Variants in PRRC2A observed in about 807,000 individuals in gnomAD.
PRRC2A encodes the protein proline rich coiled-coil 2A.
In PRRC2A, 59 loss-of-function variants were observed where a neutral mutation model predicts 224.6. That is an observed-to-expected ratio of 0.26 (90% confidence interval 0.21 to 0.33). The LOEUF is 0.33. Ranked by LOEUF, PRRC2A falls within the 10% of genes least tolerant of loss-of-function variation. The pLI, the probability that PRRC2A is intolerant of heterozygous loss-of-function variation, is 1.00. For synonymous variants in PRRC2A, 1,194 were observed against 1,109.5 expected, an observed-to-expected ratio of 1.08 and a Z score of -1.51; for missense variants, 3,095 against 2,880.7, an observed-to-expected ratio of 1.07 and a Z score of -1.70.
Position 31,626,169 on chromosome 6 carries a change from G to T in PRRC2A, c.982+7G>T, listed in dbSNP as rs747377622. ...AATGATGATGGTTGGGCAGGTAAGT[G>T]GATATTAAGGGTCAAGAATTTGGAT... On this transcript the variant is annotated splice_region_variant and intron_variant, in intron 9 of 30. Transcript: ENST00000376033. 1.2e-6 allele frequency: 2 copies of T among 1,607,590 alleles called. No homozygotes were observed. Among genetic ancestry groups the T allele is most frequent in the African/African-American group, 2.7e-5 (2 of 74,512 alleles).
chr6:31,624,520 A>G lies in PRRC2A; in HGVS notation c.461A>G (p.Asp154Gly). 6.2e-7 allele frequency: 1 copy of G among 1,610,928 alleles called. No individual in the cohort carries two copies. The highest frequency in any genetic ancestry group is 8.5e-7 in the Non-Finnish European group (1 of 1,177,112). ...QASVTHGAHG[D>G]GGRASSLLSR... is the part of the protein sequence containing the mutation. ...AGCGTCACCCATGGAGCACATGGAGATGGTGAGTGCAGCACTTAATTGGGG... is the reference window on the plus strand; with the variant it reads ...AGCGTCACCCATGGAGCACATGGAGGTGGTGAGTGCAGCACTTAATTGGGG... The change falls in exon 5 of 31, where the codon GAT (aspartate) becomes GGT (glycine). Residue 154 changes from aspartate to glycine, a missense_variant and splice_region_variant. Around this residue, in one of 8 missense-constraint regions of PRRC2A, gnomAD observed 287 missense variants for 275.3 expected, o/e 1.04. Coordinates refer to ENST00000376033, the MANE Select transcript of PRRC2A (RefSeq NM_004638.4).
chr6:31,633,553 G>T lies in PRRC2A; in HGVS notation c.4494G>T (p.Arg1498Ser). Residue 1498 changes from arginine to serine, a missense_variant, in exon 17 of 31, where the codon AGG becomes AGT. By Grantham distance (110) the Arg-to-Ser change is moderately radical. Transcript: ENST00000376033. ...TAACTGCACCAGGGGGTCATCCAAG[G>T]CACAAGCCTGGGCTTCCCCAAGCCC... ...GSVTAPGGHP[R>S]HKPGLPQAPQ... The T allele has an allele frequency of 6.2e-7, 1 of 1,613,042 alleles. No individual in the cohort carries two copies. Among genetic ancestry groups the T allele is most frequent in the Non-Finnish European group, 8.5e-7 (1 of 1,179,980 alleles).
rs767117120 is a variant in PRRC2A, at chr6:31,636,864, T to C, written c.6066T>C (p.Ala2022=). Residue 2022 remains alanine (A), a synonymous_variant, in exon 28 of 31, where the codon GCT becomes GCC. Coordinates refer to ENST00000376033, the MANE Select transcript of PRRC2A (RefSeq NM_004638.4). This position sits in a 1 kb window ranked among gnomAD's most constrained non-coding sequence, Gnocchi z 4.3. The stretch of plus-strand genomic sequence containing the variant: ...CTGCTCTGCAGCCCCCCAGCCTGGC[T>C]GTGCGGCCCCCACCTGCTCCTGCTA... ...VGPALQPPSL[A]VRPPPAPATR... 1.2e-6 allele frequency: 2 copies of C among 1,612,906 alleles called. No homozygotes were observed. Among genetic ancestry groups the C allele is most frequent in the Middle Eastern group, 1.6e-4 (1 of 6,062 alleles).
In PRRC2A at chr6:31,627,802, A is replaced by C. The variant is rs1776080235; in HGVS notation, c.1328A>C (p.Glu443Ala). The change falls in exon 12 of 31, where the codon GAA (glutamate) becomes GCA (alanine). Residue 443 changes from glutamate to alanine, a missense_variant. This residue lies in a region of PRRC2A where 2,001 missense variants were observed against 1,764.9 expected (regional missense o/e 1.13). Coordinates refer to ENST00000376033, the MANE Select transcript of PRRC2A (RefSeq NM_004638.4). This position sits in a 1 kb window ranked among gnomAD's most constrained non-coding sequence, Gnocchi z 5.6. ...CCTCCCTGCAAGCCCCCAGCACCTG[A>C]AGATGAGGATGAGGCATGGCGGCAG... Reference protein sequence around the residue: ...GGPPCKPPAPEDEDEAWRQRR... With the variant: ...GGPPCKPPAPADEDEAWRQRR... 4 of 1,613,018 alleles carry C rather than the reference A, an allele frequency of 2.5e-6. No individual in the cohort carries two copies. The Middle Eastern group carries it at 5.0e-4, about 201-fold the overall frequency.
chr6:31,631,889 A>G lies in PRRC2A; in HGVS notation c.3216A>G (p.Gly1072=), dbSNP rs1481646813. 1 of 1,610,886 alleles carries G rather than the reference A, an allele frequency of 6.2e-7. No homozygotes were observed. The highest frequency in any genetic ancestry group is 1.1e-5 in the South Asian group (1 of 90,814). ...GDDGRGGGTG[G]PNHPPAPRGR... is the part of the protein sequence containing the mutation. Reference sequence around the variant, plus strand: ...ATGGGCGTGGAGGTGGGACAGGGGGACCAAACCACCCTCCTGCTCCCCGAG... The same window carrying G: ...ATGGGCGTGGAGGTGGGACAGGGGGGCCAAACCACCCTCCTGCTCCCCGAG... The change falls in exon 16 of 31, where the codon GGA becomes GGG. Residue 1072 remains glycine (G), a synonymous_variant. Coordinates refer to ENST00000376033, the MANE Select transcript of PRRC2A (RefSeq NM_004638.4). This position sits in a 1 kb window ranked among gnomAD's most constrained non-coding sequence, Gnocchi z 4.5.
In PRRC2A at chr6:31,634,000, G is replaced by T; in HGVS notation, c.4719+11G>T. The T allele has an allele frequency of 6.2e-7, 1 of 1,602,270 alleles. No homozygotes were observed. The highest frequency in any genetic ancestry group is 1.3e-5 in the African/African-American group (1 of 74,184). On this transcript the variant is annotated intron_variant, in intron 18 of 30. Transcript: ENST00000376033. ...GAGCTGCTACAGGAGGTAAGGGATG[G>T]GTTTGAGATTGTGCTTCACTGCACT... is the stretch of plus-strand genomic sequence containing the variant.
At chr6:31,623,008 A>G in intron 2 of PRRC2A, 107 bp downstream of exon 2, 1 of 997,720 alleles carries the variant, frequency 1.0e-6, no homozygotes, top group African/African-American at 1.6e-5. Flanking sequence ...ATACCAAAAG[A>G]CTAGAGGAGA....
At chr6:31,621,602 A>G (rs1775302737) in intron 1 of PRRC2A, among the ~76,000 whole-genome samples, 1 of 151,748 alleles carries the variant, frequency 6.6e-6, no homozygotes, top group Non-Finnish European at 1.5e-5. Context: ...TTCCCTTCAT[A>G]TATTTATCTT....
In PRRC2A at chr6:31,636,853, C is replaced by T; in HGVS notation, c.6055C>T (p.Pro2019Ser). 1 of 1,612,802 alleles carries T rather than the reference C, an allele frequency of 6.2e-7. No individual in the cohort carries two copies. ...LLPVGPALQP[P>S]SLAVRPPPAP... is the part of the protein sequence containing the mutation. ...ACCTGTGGGCCCTGCTCTGCAGCCC[C>T]CCAGCCTGGCTGTGCGGCCCCCACC... Residue 2019 changes from proline to serine, a missense_variant, in exon 28 of 31, where the codon CCC (proline) becomes TCC (serine). Pro to Ser is a moderately conservative substitution (Grantham distance 74). Coordinates refer to ENST00000376033, the MANE Select transcript of PRRC2A (RefSeq NM_004638.4). This position sits in a 1 kb window ranked among gnomAD's most constrained non-coding sequence, Gnocchi z 4.3.
Position 31,631,582 on chromosome 6 carries a change from A to G in PRRC2A, c.2909A>G (p.Glu970Gly). Reference sequence around the variant, plus strand: ...GAAGAGCTGCCTCCCAAGCCCCTCGAACAGGGGGATGAAACCCCCAAACCC... The same window carrying G: ...GAAGAGCTGCCTCCCAAGCCCCTCGGACAGGGGGATGAAACCCCCAAACCC... ...KVEELPPKPLEQGDETPKPPK... is the reference protein window; with the variant it reads ...KVEELPPKPLGQGDETPKPPK... Residue 970 changes from glutamate (E) to glycine (G), a missense_variant, in exon 16 of 31, where the codon GAA (glutamate) becomes GGA (glycine). By Grantham distance (98) the Glu-to-Gly change is moderately conservative. Around this residue, in one of 8 missense-constraint regions of PRRC2A, gnomAD observed 2,001 missense variants for 1,764.9 expected, o/e 1.13. Transcript: ENST00000376033. The surrounding 1 kb of genome is among the most constrained non-coding windows in gnomAD (Gnocchi z 4.5). 2 of 1,571,818 alleles carry G rather than the reference A, an allele frequency of 1.3e-6. No homozygotes were observed. The highest frequency in any genetic ancestry group is 1.7e-6 in the Non-Finnish European group (2 of 1,163,576).
At chr6:31,633,183 C>T (rs1383286425) in intron 16 of PRRC2A, among the ~76,000 whole-genome samples, 191 bp downstream of exon 16, 1 of 152,162 alleles carries the variant, frequency 6.6e-6, no homozygotes, top group African/African-American at 2.4e-5. Flanking sequence ...GTCAAGAACA[C>T]CCACCTATGT....
rs375095186 is a variant in PRRC2A, at chr6:31,626,779, T to C, written c.990T>C (p.His330=). 2.6e-4 allele frequency: 406 copies of C among 1,579,082 alleles called. No individual in the cohort carries two copies. Among genetic ancestry groups the C allele is most frequent in the Non-Finnish European group, 7.4e-5 (86 of 1,162,372 alleles). ...QENDDGWAGA[H]EEVDYTEKLK... Reference sequence around the variant, plus strand: ...ACTCATATTTCCCCTCAGGGGCCCATGAAGAGGTTGACTACACTGAAAAGC... The same window carrying C: ...ACTCATATTTCCCCTCAGGGGCCCACGAAGAGGTTGACTACACTGAAAAGC... The change falls in exon 10 of 31, where the codon CAT becomes CAC. Residue 330 remains histidine, a synonymous_variant. Transcript: ENST00000376033.
chr6:31,629,631 A>C lies in PRRC2A; in HGVS notation c.2040A>C (p.Ser680=), dbSNP rs201373550. 1 of 1,609,822 alleles carries C rather than the reference A, an allele frequency of 6.2e-7. No homozygotes were observed. Among genetic ancestry groups the C allele is most frequent in the Non-Finnish European group, 8.5e-7 (1 of 1,178,770 alleles). The change falls in exon 14 of 31, where the codon TCA becomes TCC. Residue 680 remains serine (S), a synonymous_variant. Transcript: ENST00000376033. ...CCCCTCCTACCCCAGTGCCCCCATCACCACCACAGCCTGTGACCCTGGGGG... is the reference window on the plus strand; with the variant it reads ...CCCCTCCTACCCCAGTGCCCCCATCCCCACCACAGCCTGTGACCCTGGGGG... The part of the protein sequence containing the change: ...GSAPPTPVPP[S]PPQPVTLGAV...
At position 31,636,111 on chromosome 6, in the gene PRRC2A, G is replaced by A. The variant is rs993646861; in HGVS notation, c.5624+62G>A. On this transcript the variant is annotated intron_variant, in intron 25 of 30. Transcript: ENST00000376033. The surrounding 1 kb of genome is among the most constrained non-coding windows in gnomAD (Gnocchi z 4.3). ...GAGATGTGTTTCGGGGAGAGGGAAG[G>A]GGAAGACACAGTTCTAGGGTACTAG... The A allele has an allele frequency of 4.5e-6, 7 of 1,568,618 alleles. No individual in the cohort carries two copies. In the African/African-American group the frequency reaches 9.5e-5, roughly 21 times the overall value.
At position 31,631,788 on chromosome 6, in the gene PRRC2A, C is replaced by T. The variant is rs774017678; in HGVS notation, c.3115C>T (p.Arg1039Trp). Reference sequence around the variant, plus strand: ...GTATTTTGCCAGAGGGAGGGGTTTTCGGGGGACCTATGGGGGACGAGGGCG... The same window carrying T: ...GTATTTTGCCAGAGGGAGGGGTTTTTGGGGGACCTATGGGGGACGAGGGCG... ...GEYFARGRGFRGTYGGRGRGA... is the reference protein window; with the variant it reads ...GEYFARGRGFWGTYGGRGRGA... Residue 1039 changes from arginine (R) to tryptophan (W), a missense_variant, in exon 16 of 31, where the codon CGG becomes TGG. Arg to Trp is a moderately radical substitution (Grantham distance 101). Transcript: ENST00000376033. This position sits in a 1 kb window ranked among gnomAD's most constrained non-coding sequence, Gnocchi z 4.5. 9.0e-6 allele frequency: 14 copies of T among 1,557,338 alleles called. No homozygotes were observed. In the East Asian group the frequency reaches 1.1e-4, roughly 13 times the overall value.
Position 31,636,402 on chromosome 6 carries a change from G to C in PRRC2A, c.5818G>C (p.Asp1940His). ...SPAFCPSPLP[D>H]TSLLQVRQDL... ...GGCTTTCTGCCCCAGTCCTTTGCCT[G>C]ACACATCGTTGCTTCAGGTAAGAGG... The change falls in exon 26 of 31, where the codon GAC becomes CAC. Residue 1940 changes from aspartate (D) to histidine (H), a missense_variant. By Grantham distance (81) the Asp-to-His change is moderately conservative (BLOSUM62 -1). Transcript: ENST00000376033. The surrounding 1 kb of genome is among the most constrained non-coding windows in gnomAD (Gnocchi z 4.3). 1 of 1,612,918 alleles carries C rather than the reference G, an allele frequency of 6.2e-7. No homozygotes were observed. The highest frequency in any genetic ancestry group is 1.7e-5 in the Admixed American group (1 of 60,022).
rs766145622 is a variant in PRRC2A at position 31,636,487 on chromosome 6, T to C, written c.5836-23T>C. On this transcript the variant is annotated intron_variant, in intron 26 of 30. Coordinates refer to ENST00000376033, the MANE Select transcript of PRRC2A (RefSeq NM_004638.4). This position sits in a 1 kb window ranked among gnomAD's most constrained non-coding sequence, Gnocchi z 4.3. ...GAGAATGATTTTGTGGGGGTTGATA[T>C]ATTTCTCCCTGTTTCCCGACAGGTA... The C allele has an allele frequency of 6.2e-6, 10 of 1,608,888 alleles. No individual in the cohort carries two copies. Among genetic ancestry groups the C allele is most frequent in the African/African-American group, 2.7e-5 (2 of 74,662 alleles).
Position 31,631,757 on chromosome 6 carries a change from A to T in PRRC2A, c.3084A>T (p.Arg1028=), listed in dbSNP as rs1424670374. ...VGPTSCRGRG[R]GEYFARGRGF... ...CTACCTCTTGCCGGGGTCGGGGCCG[A>T]GGCGAGTATTTTGCCAGAGGGAGGG... The change falls in exon 16 of 31, where the codon CGA becomes CGT. Residue 1028 remains arginine (R), a synonymous_variant. Transcript: ENST00000376033. The surrounding 1 kb of genome is among the most constrained non-coding windows in gnomAD (Gnocchi z 4.5). The T allele has an allele frequency of 1.3e-6, 2 of 1,541,814 alleles. No homozygotes were observed. Among genetic ancestry groups the T allele is most frequent in the Non-Finnish European group, 8.8e-7 (1 of 1,142,800 alleles).
rs916204518 is a variant in PRRC2A, at chr6:31,633,614, G to A, written c.4555G>A (p.Glu1519Lys). 8.7e-6 allele frequency: 14 copies of A among 1,612,392 alleles called. No individual in the cohort carries two copies. The highest frequency in any genetic ancestry group is 2.7e-5 in the African/African-American group (2 of 74,920). Residue 1519 changes from glutamate (E) to lysine (K), a missense_variant, in exon 17 of 31, where the codon GAG becomes AAG. Coordinates refer to ENST00000376033, the MANE Select transcript of PRRC2A (RefSeq NM_004638.4). The part of the protein sequence containing the change: ...GPSPRPPTRY[E>K]PQRVNSGLSS... ...CTCTCCTAGGCCCCCAACCCGATAC[G>A]AGCCCCAGAGGGTCAACAGCGGCCT...
Sources: allele counts gnomAD v4.1 joint callset (sites outside exome capture counted in the v4.1 genomes callset), GRCh38; gene constraint gnomAD v4.1.1; regional missense constraint gnomAD v4.1.1; non-coding constraint Gnocchi (gnomAD v3.1); transcripts MANE v1.5; gene names NCBI Gene and HGNC (gene_info 2026-07-23, HGNC 2026-07-21).